VANGL1: variants seen among roughly 807,000 people sequenced by gnomAD.
The protein encoded by VANGL1 is VANGL planar cell polarity protein 1, also known as vang-like protein 1.
In VANGL1, 18 loss-of-function variants were observed where a neutral mutation model predicts 48.4. The observed-to-expected ratio is 0.37, with a 90% confidence interval of 0.26 to 0.55. The LOEUF (loss-of-function observed/expected upper bound fraction) is 0.55. Among genes scored for constraint, VANGL1 ranks in the 20% least tolerant of loss-of-function variants. The pLI is 0.81. For missense variants in VANGL1, 667 were observed against 675.8 expected (o/e 0.99, Z 0.14); for synonymous variants, 257 against 261.8 (o/e 0.98, Z 0.18).
Position 115,694,351 on chromosome 1 carries a change from G to A in VANGL1, c.*2972G>A. The A allele has an allele frequency of 6.6e-6, 1 of 152,166 alleles. No individual in the cohort carries two copies. Among genetic ancestry groups the A allele is most frequent in the East Asian group, 1.9e-4 (1 of 5,190 alleles). The allele number at this position is 152,166 out of a possible 1,614,324, so 9.4% of individuals were successfully genotyped here. A position where few individuals can be genotyped will look rare whatever the true frequency, so the allele number is the denominator to read the frequency against. The stretch of plus-strand genomic sequence containing the variant: ...GGAAGACAAGTTCTTTACAGCAAAT[G>A]GTAAGAGGCAGGTGACCTGGTGTGT... On this transcript the variant is annotated 3_prime_UTR_variant, in exon 8 of 8. Transcript: ENST00000355485.
In VANGL1 at chr1:115,664,231, G is replaced by A. The variant is rs777148076; in HGVS notation, c.775G>A (p.Asp259Asn). ...MFTLQVVRST[D>N]GESRFYSLGH... Reference sequence around the variant, plus strand: ...CACGCTGCAGGTGGTCCGCTCCACCGATGGCGAGTCCCGCTTCTACAGCCT... The same window carrying A: ...CACGCTGCAGGTGGTCCGCTCCACCAATGGCGAGTCCCGCTTCTACAGCCT... The change falls in exon 4 of 8, where the codon GAT (aspartate) becomes AAT (asparagine). Residue 259 changes from aspartate to asparagine, a missense_variant. By Grantham distance (23) the Asp-to-Asn change is conservative. Coordinates refer to ENST00000355485, the MANE Select transcript of VANGL1 (RefSeq NM_138959.3). 7.4e-6 allele frequency: 12 copies of A among 1,613,832 alleles called. No homozygotes were observed. Among genetic ancestry groups the A allele is most frequent in the African/African-American group, 1.3e-5 (1 of 74,918 alleles).
intron 2 of VANGL1, among the ~76,000 whole-genome samples, chr1:115,658,842 G>A (rs1309553856): frequency 6.6e-6 from 1 of 152,134 alleles, no homozygotes; most frequent in Non-Finnish European, 1.5e-5. Context: ...CCCCCAGGCA[G>A]GGTTCTTACA....
chr1:115,685,648 A>C (rs1653578614), intron 7 of VANGL1, 121 bp downstream of exon 7: 1 of 1,028,618 alleles, frequency 9.7e-7, no homozygotes, highest in Non-Finnish European at 1.5e-6. Flanking sequence ...AACTCAAGTA[A>C]TAAGAATTAG....
intron 6 of VANGL1, 41 bp downstream of exon 6, chr1:115,684,117 T>G (rs752688953): frequency 1.3e-6 from 2 of 1,534,598 alleles, no homozygotes; most frequent in African/African-American, 2.8e-5. Context: ...TTACAGACTT[T>G]TAAATTTTTA....
chr1:115,696,372 C>T lies in VANGL1; in HGVS notation c.*4993C>T, dbSNP rs1203679301. ...TCTCAGCAAGCAGTTTGCATCCCAC[C>T]GTCTTTCTCACACTTGCCCCCAAGA... On this transcript the variant is annotated 3_prime_UTR_variant, in exon 8 of 8. Transcript: ENST00000355485. 3 of 152,372 alleles carry T rather than the reference C, an allele frequency of 2.0e-5. No individual in the cohort carries two copies. The highest frequency in any genetic ancestry group is 2.1e-4 in the South Asian group (1 of 4,826). 9.4% of individuals were successfully genotyped at this position (152,372 alleles called of 1,614,324 possible).
intron 4 of VANGL1, among the ~76,000 whole-genome samples, chr1:115,674,009 A>C (rs1653077583): frequency 6.6e-6 from 1 of 152,112 alleles, no homozygotes; most frequent in South Asian, 2.1e-4. Context: ...GGGTAGATGC[A>C]AATTTTGGGA....
chr1:115,659,615 T>C, intron 2 of VANGL1, 26 bp from the exon 3 acceptor site: 1 of 1,613,908 alleles, frequency 6.2e-7, no homozygotes, highest in Non-Finnish European at 8.5e-7. Flanking sequence ...ATGGCATAAA[T>C]GTGCTAGCTC....
intron 4 of VANGL1, among the ~76,000 whole-genome samples, chr1:115,665,541 A>G (rs1652741271): frequency 6.6e-6 from 1 of 152,230 alleles, no homozygotes; most frequent in African/African-American, 2.4e-5. Flanking sequence ...GAGTCAGGCC[A>G]TGCTGCCAAA....
In VANGL1 at chr1:115,685,298, T is replaced by C. The variant is rs1315632452; in HGVS notation, c.1085T>C (p.Val362Ala). 1 of 1,614,026 alleles carries C rather than the reference T, an allele frequency of 6.2e-7. No individual in the cohort carries two copies. Among genetic ancestry groups the C allele is most frequent in the South Asian group, 1.1e-5 (1 of 91,072 alleles). ...AGTGTTGCATCACCTTCTAGGCTGG[T>C]GGTTGCAGTGGAAGAGGCCTTCATC... ...RRVKKRKARL[V>A]VAVEEAFIHI... The change falls in exon 7 of 8, where the codon GTG becomes GCG. Residue 362 changes from valine (V) to alanine (A), a missense_variant. Transcript: ENST00000355485.
chr1:115,655,250 A>G (rs1652300787), intron 2 of VANGL1, among the ~76,000 whole-genome samples: 1 of 152,232 alleles, frequency 6.6e-6, no homozygotes, highest in South Asian at 2.1e-4. Flanking sequence ...GCTTTCCCCA[A>G]ATAGAAATAG....
Position 115,676,838 on chromosome 1 carries a change from T to G in VANGL1, c.813-5526T>G, listed in dbSNP as rs181026657. On this transcript the variant is annotated intron_variant, in intron 4 of 7. Transcript: ENST00000355485. ...CTGTACCAGGCCTGCCCCAGTCAATTCATTAGCCTTTCAGTAAGACGTTTT... is the reference window on the plus strand; with the variant it reads ...CTGTACCAGGCCTGCCCCAGTCAATGCATTAGCCTTTCAGTAAGACGTTTT... Among the ~76,000 whole-genome samples, 502 of 152,370 alleles carry G rather than the reference T, an allele frequency of 3.3e-3. 3 individuals are homozygous for G. The highest frequency in any genetic ancestry group is 0.011 in the African/African-American group (462 of 41,580).
rs745609210 is a variant in VANGL1 at position 115,691,089 on chromosome 1, T to C, written c.1315-30T>C. 2.9e-5 allele frequency: 46 copies of C among 1,613,998 alleles called. No homozygotes were observed. In the Admixed American group the frequency reaches 4.3e-4, roughly 15 times the overall value. On this transcript the variant is annotated intron_variant, in intron 7 of 7. Transcript: ENST00000355485. ...ACTGCCCTTAAAACAGGCTGTTTCTTCCCTAATGGCCTTTCTCCTCTGCTT... is the reference window on the plus strand; with the variant it reads ...ACTGCCCTTAAAACAGGCTGTTTCTCCCCTAATGGCCTTTCTCCTCTGCTT...
intron 4 of VANGL1, among the ~76,000 whole-genome samples, chr1:115,680,390 A>G (rs1053429245): frequency 2.0e-5 from 3 of 152,194 alleles, no homozygotes; most frequent in Non-Finnish European, 2.9e-5. Flanking sequence ...CTATCTTCAT[A>G]TTCCCAGGGC....
intron 4 of VANGL1, among the ~76,000 whole-genome samples, chr1:115,677,980 A>G (rs1156603678): frequency 6.6e-6 from 1 of 152,194 alleles, no homozygotes; most frequent in Admixed American, 6.5e-5. Flanking sequence ...CTGAAATTCC[A>G]TGATTTTATG....
At chr1:115,668,565 T>A (rs552176249) in intron 4 of VANGL1, among the ~76,000 whole-genome samples, 1 of 152,352 alleles carries the variant, frequency 6.6e-6, no homozygotes, top group South Asian at 2.1e-4. Context: ...AACAACTACC[T>A]CACCACTTAG....
At chr1:115,685,559 C>A in intron 7 of VANGL1, 32 bp downstream of exon 7, 4 of 1,606,998 alleles carry the variant, frequency 2.5e-6, no homozygotes, top group Non-Finnish European at 3.4e-6. Flanking sequence ...CTGCCACCGT[C>A]ATCCTGGCTT....
intron 6 of VANGL1, 30 bp from the exon 7 acceptor site, chr1:115,685,263 C>A (rs1653553902): frequency 1.9e-6 from 3 of 1,612,108 alleles, no homozygotes; most frequent in Admixed American, 3.3e-5. Flanking sequence ...AGGCACCATC[C>A]TGATTACTTA....
intron 3 of VANGL1, among the ~76,000 whole-genome samples, chr1:115,662,285 T>C (rs1652588792): frequency 6.6e-6 from 1 of 152,252 alleles, no homozygotes; most frequent in Admixed American, 6.5e-5. Flanking sequence ...CTTGCTGATT[T>C]AGCTACTAAC....
At position 115,697,014 on chromosome 1, in the gene VANGL1, A is replaced by AGG. The variant is rs1654056584; in HGVS notation, c.*5635_*5636insGG. ...CAGTTGTTTGGTTTTGTATGTGCTT[A>AGG]TCTTTATCTGAGCTTTCACTTGTAG... On this transcript the variant is annotated 3_prime_UTR_variant, in exon 8 of 8. Coordinates refer to ENST00000355485, the MANE Select transcript of VANGL1 (RefSeq NM_138959.3). 4 of 152,352 alleles carry AGG rather than the reference A, an allele frequency of 2.6e-5. No individual in the cohort carries two copies. Among genetic ancestry groups the AGG allele is most frequent in the African/African-American group, 9.6e-5 (4 of 41,592 alleles). 9.4% of individuals were successfully genotyped at this position (152,352 alleles called of 1,614,324 possible). A position where few individuals can be genotyped will look rare whatever the true frequency, so the allele number is the denominator to read the frequency against.
Sources: allele counts gnomAD v4.1 joint callset (sites outside exome capture counted in the v4.1 genomes callset), GRCh38; gene constraint gnomAD v4.1.1; transcripts MANE v1.5; gene names NCBI Gene and HGNC (gene_info 2026-07-23, HGNC 2026-07-21).